The following C4orf51 variants were observed in gnomAD, a reference collection of about 807,000 sequenced individuals.
C4orf51 encodes uncharacterized protein C4orf51.
In C4orf51, 25 loss-of-function variants were observed where a neutral mutation model predicts 25.2. That is an observed-to-expected ratio of 0.99 (90% CI 0.72 to 1.39). The LOEUF (loss-of-function observed/expected upper bound fraction) is 1.39, where lower values mean the gene tolerates loss of function less well. C4orf51 is among the 40% of genes most tolerant of loss of function. C4orf51 has a pLI of 0.00. For synonymous variants in C4orf51, 100 were observed against 84.5 expected, an observed-to-expected ratio of 1.18 and a Z score of -1.01; for missense variants, 252 against 239.6, an observed-to-expected ratio of 1.05 and a Z score of -0.34.
At position 145,767,508 on chromosome 4, in the gene C4orf51, A is replaced by G. The variant is rs141406276; in HGVS notation, n.167-3480A>G. 2.8e-3 allele frequency among the ~76,000 whole-genome samples: 419 copies of G among 152,326 alleles called. 2 individuals carry two copies. The highest frequency in any genetic ancestry group is 9.3e-3 in the African/African-American group (387 of 41,576). On this transcript the variant is annotated intron_variant and non_coding_transcript_variant, in intron 1 of 1. Coordinates refer to the C4orf51 transcript ENST00000510096. The stretch of plus-strand genomic sequence containing the variant: ...GGAAAATCATAAACCCATAGATCCA[A>G]GAAGCTCAATGAACCTCAAGCATAA...
In C4orf51 at chr4:145,763,222, T is replaced by C. The variant is rs897318510; in HGVS notation, n.167-7766T>C. 10 of 1,183,300 alleles carry C rather than the reference T, an allele frequency of 8.5e-6. No homozygotes were observed. In the African/African-American group the frequency reaches 1.5e-4, roughly 18 times the overall value. The allele number at this position is 1,183,300 out of a possible 1,614,324, so 73.3% of individuals were successfully genotyped here. On this transcript the variant is annotated intron_variant and non_coding_transcript_variant, in intron 1 of 1. Coordinates refer to the C4orf51 transcript ENST00000510096. The surrounding 1 kb of genome is among the most constrained non-coding windows in gnomAD (Gnocchi z 4.6). ...CCATCACAGAAAAGCAATTTAGACA[T>C]CAGCAGTCTGTTTCATTTTAAGGAC...
chr4:145,715,426 A>G (rs756413597), intron 2 of C4orf51, among the ~76,000 whole-genome samples: 1 of 152,062 alleles, frequency 6.6e-6, no homozygotes, highest in Non-Finnish European at 1.5e-5. Context: ...CTCACTCACT[A>G]TTCTCTCACT....
Position 145,740,240 on chromosome 4 carries a change from C to CAAAAAAAAAAAAAAAAAA in C4orf51, n.167+7635_167+7652dup, listed in dbSNP as rs60310006. ...AATTATAGCTATCTCTCCCTTTCTGCAAAAAAAAAAAAAAAAAAAAAAAAA... is the reference window on the plus strand; with the variant it reads ...AATTATAGCTATCTCTCCCTTTCTGCAAAAAAAAAAAAAAAAAAAAAAAAAAAAAAAAAAAAAAAAAAA... On this transcript the variant is annotated intron_variant and non_coding_transcript_variant, in intron 1 of 1. Transcript: ENST00000508981. Among the ~76,000 whole-genome samples the CAAAAAAAAAAAAAAAAAA allele has an allele frequency of 7.4e-4, 78 of 104,806 alleles. 1 individual carries two copies. Among genetic ancestry groups the CAAAAAAAAAAAAAAAAAA allele is most frequent in the Non-Finnish European group, 9.7e-4 (54 of 55,618 alleles). The allele number at this position is 104,806 out of a possible 152,430, so 68.8% of individuals were successfully genotyped here.
intron 1 of C4orf51, chr4:145,764,817 C>T: frequency 1.2e-6 from 1 of 808,452 alleles, no homozygotes. Context: ...CCTAGGGGGA[C>T]AGGTCTAATT....
chr4:145,690,271 TAAGGCA>T (rs1049822749), intron 1 of C4orf51, among the ~76,000 whole-genome samples: 3 of 151,740 alleles, frequency 2.0e-5, no homozygotes, highest in Non-Finnish European at 2.9e-5. Flanking sequence ...TTTGCAAGGC[TAAGGCA>T]GGTGGATCAC....
intron 2 of C4orf51, among the ~76,000 whole-genome samples, chr4:145,713,907 C>T (rs910868053): frequency 2.0e-5 from 3 of 152,038 alleles, no homozygotes; most frequent in South Asian, 2.1e-4. Context: ...CTCAGCCTTC[C>T]GAGTAGCTGG....
At chr4:145,693,263 G>A (rs1036868680) in intron 1 of C4orf51, among the ~76,000 whole-genome samples, 18 of 150,940 alleles carry the variant, frequency 1.2e-4, no homozygotes, top group East Asian at 4.0e-4. Context: ...TCAAGCATCT[G>A]TTTAACAAAG....
Position 145,732,644 on chromosome 4 carries a change from C to A in C4orf51, c.*84C>A. On this transcript the variant is annotated 3_prime_UTR_variant, in exon 6 of 6. Coordinates refer to ENST00000438731, the MANE Select transcript of C4orf51 (RefSeq NM_001080531.3). ...GGTATGGGGCCCTCCCAACACCCTC[C>A]CCCCACCCGCCCCGCCCAGGAACGT... 3 of 812,374 alleles carry A rather than the reference C, an allele frequency of 3.7e-6. No individual in the cohort carries two copies. The highest frequency in any genetic ancestry group is 5.9e-6 in the Non-Finnish European group (3 of 508,086). The allele number at this position is 812,374 out of a possible 1,614,324, so 50.3% of individuals were successfully genotyped here. A position where few individuals can be genotyped will look rare whatever the true frequency, so the allele number is the denominator to read the frequency against.
chr4:145,738,637 A>G (rs1474794163), intron 1 of C4orf51, among the ~76,000 whole-genome samples: 2 of 151,712 alleles, frequency 1.3e-5, no homozygotes, highest in Non-Finnish European at 2.9e-5. Flanking sequence ...GAATTATATA[A>G]TCAATTATTA....
chr4:145,686,493 A>G (rs1402098743), intron 1 of C4orf51, among the ~76,000 whole-genome samples: 2 of 152,200 alleles, frequency 1.3e-5, no homozygotes, highest in African/African-American at 4.8e-5. Context: ...GGCTCCCTGT[A>G]TATCCATCCC....
At chr4:145,755,819 G>C (rs913015956), downstream of C4orf51, among the ~76,000 whole-genome samples, 1 of 152,172 alleles carries the variant, frequency 6.6e-6, no homozygotes, top group South Asian at 2.1e-4. Flanking sequence ...ATATTGGCTG[G>C]AGTATCTTGA....
At chr4:145,783,777 C>T in the C4orf51 span, among the ~76,000 whole-genome samples, 1 of 152,280 alleles carries the variant, frequency 6.6e-6, no homozygotes, top group East Asian at 1.9e-4. Flanking sequence ...GGCATGAAGA[C>T]AAAAGCCAAC....
chr4:145,751,133 A>T (rs1442731742), intron 1 of C4orf51, among the ~76,000 whole-genome samples: 1 of 152,078 alleles, frequency 6.6e-6, no homozygotes, highest in African/African-American at 2.4e-5. Flanking sequence ...TTGCTCCAGG[A>T]TTGATCTTGG....
At chr4:145,705,913 C>T (rs1438613784) in intron 2 of C4orf51, among the ~76,000 whole-genome samples, 2 of 152,142 alleles carry the variant, frequency 1.3e-5, no homozygotes, top group African/African-American at 4.8e-5. Context: ...ATAGTTATGC[C>T]TGCTAAGACT....
chr4:145,683,238 T>C (rs1728941981), intron 1 of C4orf51, among the ~76,000 whole-genome samples: 1 of 152,096 alleles, frequency 6.6e-6, no homozygotes, highest in Admixed American at 6.6e-5. Flanking sequence ...AAAATTCTGA[T>C]GAAAGAAATC....
chr4:145,757,628 A>G (rs1734050016), downstream of C4orf51: 1 of 151,368 alleles, frequency 6.6e-6, no homozygotes. Context: ...AAACAAGAGT[A>G]TAGCCAACCT....
rs138789532 is a variant in C4orf51 at position 145,730,053 on chromosome 4, G to A, written c.501+88G>A. 640 of 1,050,406 alleles carry A rather than the reference G, an allele frequency of 6.1e-4. 4 individuals carry two copies. In the African/African-American group the frequency reaches 8.5e-3, roughly 14 times the overall value. The allele number at this position is 1,050,406 out of a possible 1,614,324, so 65.1% of individuals were successfully genotyped here. On this transcript the variant is annotated intron_variant, in intron 5 of 5. Transcript: ENST00000438731. ...TGAGTGTCTCTACATGGCAGCAGGG[G>A]TGGTGGCCTGTGTATGTTTAGAGTT...
At chr4:145,774,748 T>C (rs1736792019), downstream of C4orf51, 2 of 1,459,044 alleles carry the variant, frequency 1.4e-6, no homozygotes, top group East Asian at 2.4e-5. Context: ...TGTCCATTTA[T>C]ACACAGTACA....
chr4:145,711,344 A>G (rs986962799), intron 2 of C4orf51, among the ~76,000 whole-genome samples: 1 of 152,204 alleles, frequency 6.6e-6, no homozygotes, highest in African/African-American at 2.4e-5. Context: ...ACCACTTTCC[A>G]TTGCTGGGGC....
Sources: gnomAD v4.1 joint callset for allele counts (sites outside exome capture counted in the v4.1 genomes callset) on GRCh38, gnomAD v4.1.1 for gene constraint, Gnocchi (gnomAD v3.1) non-coding constraint, MANE v1.5 for transcripts, NCBI Gene and HGNC (gene_info 2026-07-23, HGNC 2026-07-21) for gene names.